RICTOR: variants seen among roughly 807,000 people sequenced by gnomAD.
RICTOR encodes rapamycin-insensitive companion of mTOR.
In RICTOR, 49 loss-of-function variants were observed where a neutral mutation model predicts 214.9. The ratio of observed to expected loss-of-function variants is 0.23; its 90% confidence interval spans 0.18 to 0.29. The LOEUF is 0.29. Ranked by LOEUF, RICTOR falls within the 10% of genes least tolerant of loss-of-function variation. RICTOR has a pLI of 1.00. For missense variants in RICTOR, 1,625 were observed against 2,047.0 expected, an observed-to-expected ratio of 0.79 and a Z score of 3.98; for synonymous variants, 717 against 711.3, an observed-to-expected ratio of 1.01 and a Z score of -0.13.
At chr5:38,979,919 A>C (rs192637937) in intron 8 of RICTOR, among the ~76,000 whole-genome samples, 41 of 152,078 alleles carry the variant, frequency 2.7e-4, no homozygotes, top group African/African-American at 8.4e-4. Context: ...TGTTCAATTT[A>C]TTTCTTTTTT....
rs2150032578 is a variant in RICTOR at position 38,967,333 on chromosome 5, C to A, written c.1151+4G>T. The A allele has an allele frequency of 6.2e-7, 1 of 1,611,644 alleles. No individual in the cohort carries two copies. The highest frequency in any genetic ancestry group is 8.5e-7 in the Non-Finnish European group (1 of 1,178,368). On this transcript the variant is annotated splice_donor_region_variant and intron_variant, in intron 13 of 37. Transcript: ENST00000357387. ...ATTGAAACCCTTTTTATTTTAAATTCTACCTGGATCTGGCACGATGAGGAA... is the reference window on the plus strand; with the variant it reads ...ATTGAAACCCTTTTTATTTTAAATTATACCTGGATCTGGCACGATGAGGAA...
intron 15 of RICTOR, among the ~76,000 whole-genome samples, chr5:38,966,281 T>A (rs911430969): frequency 6.6e-6 from 1 of 152,214 alleles, no homozygotes; most frequent in Non-Finnish European, 1.5e-5. Flanking sequence ...ACTGAAGTAG[T>A]ATCCATAGTT....
At chr5:39,061,000 A>G (rs981503320) in intron 2 of RICTOR, among the ~76,000 whole-genome samples, 2 of 152,092 alleles carry the variant, frequency 1.3e-5, no homozygotes, top group Non-Finnish European at 2.9e-5. Flanking sequence ...ATGTAGGAAG[A>G]CAATGAGAAT....
rs531151622 is a variant in RICTOR, at chr5:39,007,502, A to G, written c.196-3880T>C. 5.9e-3 allele frequency among the ~76,000 whole-genome samples: 903 copies of G among 152,262 alleles called. 12 individuals carry two copies. Among genetic ancestry groups the G allele is most frequent in the African/African-American group, 0.021 (864 of 41,554 alleles). On this transcript the variant is annotated intron_variant, in intron 3 of 37. Coordinates refer to ENST00000357387, the MANE Select transcript of RICTOR (RefSeq NM_152756.5). The stretch of plus-strand genomic sequence containing the variant: ...TTAGAAATTCAACATACGAATTTTG[A>G]CGAGACACAATTCAGCTCACAGCAT...
rs16867885 is a variant in RICTOR at position 38,939,633 on chromosome 5, G to A, written c.*2671C>T. 0.023 allele frequency: 5,271 copies of A among 229,428 alleles called. 92 individuals are homozygous for A. The highest frequency in any genetic ancestry group is 0.082 in the South Asian group (451 of 5,486). 14.2% of individuals were successfully genotyped at this position (229,428 alleles called of 1,614,324 possible). A position where few individuals can be genotyped will look rare whatever the true frequency, so the allele number is the denominator to read the frequency against. The stretch of plus-strand genomic sequence containing the variant: ...AATTAGAAATAACAATTCACTTTAC[G>A]ATTAGAAATTCATAGTTTACAACCA... On this transcript the variant is annotated 3_prime_UTR_variant, in exon 38 of 38. Transcript: ENST00000357387.
rs148571949 is a variant in RICTOR at position 39,008,650 on chromosome 5, T to C, written c.196-5028A>G. On this transcript the variant is annotated intron_variant, in intron 3 of 37. Coordinates refer to ENST00000357387, the MANE Select transcript of RICTOR (RefSeq NM_152756.5). ...AATCTGGAGAACTGCACCCTGGCTA[T>C]ATATATACATAAAACAAATAAGAAA... Among the ~76,000 whole-genome samples, 811 of 152,176 alleles carry C rather than the reference T, an allele frequency of 5.3e-3. 3 individuals are homozygous for C. The highest frequency in any genetic ancestry group is 9.5e-3 in the Non-Finnish European group (648 of 67,950).
chr5:38,960,299 T>G, intron 20 of RICTOR, 99 bp downstream of exon 20: 1 of 1,183,184 alleles, frequency 8.5e-7, no homozygotes, highest in Non-Finnish European at 1.2e-6. Flanking sequence ...TTATGCATAT[T>G]CAGAAATAAA....
rs751787501 is a variant in RICTOR, at chr5:38,967,244, A to C, written c.1152-17T>G. The C allele has an allele frequency of 5.6e-6, 9 of 1,610,006 alleles. No homozygotes were observed. On this transcript the variant is annotated splice_polypyrimidine_tract_variant and intron_variant, in intron 13 of 37. Coordinates refer to ENST00000357387, the MANE Select transcript of RICTOR (RefSeq NM_152756.5). ...AGGTCTGGCCTGGAAAAAACAGCAC[A>C]GAAACAATTTAAATAAAGTTTCATA... is the stretch of plus-strand genomic sequence containing the variant.
At position 39,056,066 on chromosome 5, in the gene RICTOR, T is replaced by G. The variant is rs115686247; in HGVS notation, c.97+18045A>C. 9.4e-3 allele frequency among the ~76,000 whole-genome samples: 1,434 copies of G among 152,308 alleles called. 28 individuals carry two copies. The highest frequency in any genetic ancestry group is 0.032 in the African/African-American group (1,341 of 41,548). ...TAGAATAATGAGATAATTAGCCAGT[T>G]TGAAACATATTAGGTTTGATGTACT... On this transcript the variant is annotated intron_variant, in intron 2 of 37. Transcript: ENST00000357387.
Position 38,959,787 on chromosome 5 carries a change from T to C in RICTOR, c.2043A>G (p.Val681=). The change falls in exon 21 of 38, where the codon GTA becomes GTG. Residue 681 remains valine, a synonymous_variant. Coordinates refer to ENST00000357387, the MANE Select transcript of RICTOR (RefSeq NM_152756.5). ...HGVKMLEKCS[V]FQCLLNLCSL... is the part of the protein sequence containing the mutation. ...AATCTGGGAATGCTCACCACTGAAA[T>C]ACACTGCATTTTTCCAGCATTTTAA... is the stretch of plus-strand genomic sequence containing the variant. 1 of 1,610,596 alleles carries C rather than the reference T, an allele frequency of 6.2e-7. No homozygotes were observed.
At chr5:38,954,668 T>A (rs2112884464) in intron 27 of RICTOR, 106 bp downstream of exon 27, 1 of 685,258 alleles carries the variant, frequency 1.5e-6, no homozygotes, top group East Asian at 2.7e-5. Flanking sequence ...ACCACTGATA[T>A]TAAAGCTTTT....
intron 6 of RICTOR, among the ~76,000 whole-genome samples, chr5:38,993,674 T>C (rs983458730): frequency 6.6e-6 from 1 of 151,964 alleles, no homozygotes; most frequent in Non-Finnish European, 1.5e-5. Flanking sequence ...TGGGAATTCA[T>C]ACAAAAAAAC....
intron 11 of RICTOR, chr5:38,970,172 G>A (rs1369424376): frequency 6.6e-6 from 1 of 151,964 alleles, no homozygotes; most frequent in African/African-American, 2.4e-5. Flanking sequence ...AAGTACTCTG[G>A]GATGTTCACA....
rs1749662781 is a variant in RICTOR, at chr5:38,960,109, A to AC, written c.1852-132dup. Reference sequence around the variant, plus strand: ...CAATAATAGCTATCAATCAGTGAGTACCTGTTGTTTTCTAATCCACTTCAA... The same window carrying AC: ...CAATAATAGCTATCAATCAGTGAGTACCCTGTTGTTTTCTAATCCACTTCAA... On this transcript the variant is annotated intron_variant, in intron 20 of 37. Coordinates refer to ENST00000357387, the MANE Select transcript of RICTOR (RefSeq NM_152756.5). 1.7e-5 allele frequency: 12 copies of AC among 701,604 alleles called. No individual in the cohort carries two copies. In the East Asian group the frequency reaches 3.1e-4, roughly 18 times the overall value. 43.5% of individuals were successfully genotyped at this position (701,604 alleles called of 1,614,324 possible). A position where few individuals can be genotyped will look rare whatever the true frequency, so the allele number is the denominator to read the frequency against.
Position 38,958,789 on chromosome 5 carries a change from T to C in RICTOR, c.2221A>G (p.Arg741Gly). 1 of 1,608,392 alleles carries C rather than the reference T, an allele frequency of 6.2e-7. No homozygotes were observed. Among genetic ancestry groups the C allele is most frequent in the South Asian group, 1.1e-5 (1 of 90,180 alleles). The change falls in exon 23 of 38, where the codon AGA becomes GGA. Residue 741 changes from arginine to glycine, a missense_variant. Coordinates refer to ENST00000357387, the MANE Select transcript of RICTOR (RefSeq NM_152756.5). ...YATKHLRVLL[R>G]ANVEFFNNWG... ...TTATTAAAGAATTCAACATTAGCTC[T>C]CAATAATACCCTTAAATGTTTTGTT...
chr5:38,944,541 T>G lies in RICTOR; in HGVS notation c.4818A>C (p.Pro1606=). The change falls in exon 36 of 38, where the codon CCA becomes CCC. Residue 1606 remains proline (P), a synonymous_variant. Transcript: ENST00000357387. ...CTTTGCGAAGGAGTATACGGCACAT[T>G]GGTGTATCATCTGGAATTGTTTTAA... The part of the protein sequence containing the change: ...LGVKTIPDDT[P]MCRILLRKEV... The G allele has an allele frequency of 6.2e-7, 1 of 1,608,184 alleles. No individual in the cohort carries two copies. Among genetic ancestry groups the G allele is most frequent in the Non-Finnish European group, 8.5e-7 (1 of 1,177,870 alleles).
chr5:38,962,370 A>T lies in RICTOR; in HGVS notation c.1669-9T>A, dbSNP rs1232752567. ...AGATTTACATTTGGCCACTAGAAAA[A>T]CATAATATGTTATATTACATATGTA... On this transcript the variant is annotated splice_polypyrimidine_tract_variant and intron_variant, in intron 18 of 37. Coordinates refer to ENST00000357387, the MANE Select transcript of RICTOR (RefSeq NM_152756.5). 7.5e-7 allele frequency: 1 copy of T among 1,340,000 alleles called. No homozygotes were observed. Among genetic ancestry groups the T allele is most frequent in the Non-Finnish European group, 1.1e-6 (1 of 945,852 alleles). 83.0% of individuals were successfully genotyped at this position (1,340,000 alleles called of 1,614,324 possible).
intron 3 of RICTOR, among the ~76,000 whole-genome samples, chr5:39,018,957 CA>C (rs1755177250): frequency 6.6e-6 from 1 of 152,106 alleles, no homozygotes; most frequent in South Asian, 2.1e-4. Context: ...AATGAACACA[CA>C]AATAATATGA....
Position 38,958,653 on chromosome 5 carries a change from A to T in RICTOR, c.2343+14T>A. 6.3e-7 allele frequency: 1 copy of T among 1,576,440 alleles called. No individual in the cohort carries two copies. The highest frequency in any genetic ancestry group is 8.6e-7 in the Non-Finnish European group (1 of 1,163,622). On this transcript the variant is annotated intron_variant, in intron 23 of 37. Coordinates refer to ENST00000357387, the MANE Select transcript of RICTOR (RefSeq NM_152756.5). ...AAAAATTTAAGTATTAAATTATAAAAAATGAACCTTTACCTTGTCTTCACA... is the reference window on the plus strand; with the variant it reads ...AAAAATTTAAGTATTAAATTATAAATAATGAACCTTTACCTTGTCTTCACA...
Sources: allele counts gnomAD v4.1 joint callset (sites outside exome capture counted in the v4.1 genomes callset), GRCh38; gene constraint gnomAD v4.1.1; transcripts MANE v1.5; gene names NCBI Gene and HGNC (gene_info 2026-07-23, HGNC 2026-07-21).